The following CD46 variants were observed in gnomAD, a reference collection of about 807,000 sequenced individuals.
CD46 encodes membrane cofactor protein.
CD46 carries 30 observed loss-of-function variants against 53.3 expected under a neutral mutation model. That is an observed-to-expected ratio of 0.56 (90% CI 0.42 to 0.76). The LOEUF is 0.76. Ranked by LOEUF, CD46 falls within the 30% of genes least tolerant of loss-of-function variation. The pLI is 0.00. For missense variants in CD46, 409 were observed against 463.0 expected (o/e 0.88, Z 1.07); for synonymous variants, 142 against 152.0 (o/e 0.93, Z 0.48).
chr1:207,777,450 T>C (rs966459291), intron 8 of CD46, among the ~76,000 whole-genome samples: 4 of 152,176 alleles, frequency 2.6e-5, no homozygotes, highest in African/African-American at 4.8e-5. Flanking sequence ...TTAAGCCTAG[T>C]ACCCAATAGT....
intron 3 of CD46, 66 bp downstream of exon 3, chr1:207,757,708 T>G: frequency 9.8e-7 from 1 of 1,024,352 alleles, no homozygotes; most frequent in South Asian, 1.4e-5. Flanking sequence ...GCTTCTCTTC[T>G]TAAGCATTCC....
intron 3 of CD46, 106 bp from the exon 4 acceptor site, chr1:207,759,533 C>T (rs1655948641): frequency 4.5e-6 from 3 of 671,434 alleles, no homozygotes; most frequent in Non-Finnish European, 8.0e-6. Context: ...ACCACCCCCT[C>T]AAACTACTGT....
chr1:207,782,340 TA>T (rs1658824326), intron 8 of CD46, among the ~76,000 whole-genome samples: 1 of 152,170 alleles, frequency 6.6e-6, no homozygotes, highest in Non-Finnish European at 1.5e-5. Context: ...GTGGGATCCT[TA>T]GGGTTTTCTA....
In CD46 at chr1:207,752,351, GAGCTCTCCTC is replaced by G; in HGVS notation, c.97+45_97+54del. 6.4e-7 allele frequency: 1 copy of G among 1,570,248 alleles called. No homozygotes were observed. The highest frequency in any genetic ancestry group is 2.2e-5 in the East Asian group (1 of 44,652). ...GGTTCGCGCGTCCGCGGCGAGACTA[GAGCTCTCCTC>G]AGTCGGGCAAGAGTCGCGGGGCGGG... On this transcript the variant is annotated intron_variant, in intron 1 of 12. Coordinates refer to ENST00000367042, the MANE Select transcript of CD46 (RefSeq NM_172351.3). The surrounding 1 kb of genome is among the most constrained non-coding windows in gnomAD (Gnocchi z 4.1).
intron 7 of CD46, chr1:207,769,844 C>A (rs146882271): frequency 0.019 from 3,110 of 164,798 alleles, 111 homozygotes; most frequent in African/African-American, 0.071. Flanking sequence ...CTCACTGCAA[C>A]CTCCGCCTCC....
chr1:207,759,711 C>T lies in CD46; in HGVS notation c.462C>T (p.Pro154=). 2 of 1,601,976 alleles carry T rather than the reference C, an allele frequency of 1.2e-6. No homozygotes were observed. Among genetic ancestry groups the T allele is most frequent in the Non-Finnish European group, 8.6e-7 (1 of 1,169,496 alleles). Residue 154 remains proline (P), a synonymous_variant, in exon 4 of 13, where the codon CCC becomes CCT. Coordinates refer to ENST00000367042, the MANE Select transcript of CD46 (RefSeq NM_172351.3). ...KGSVAIWSGK[P]PICEKVLCTP... is the part of the protein sequence containing the mutation. ...CAGTAGCAATTTGGAGCGGTAAGCC[C>T]CCAATATGTGAAAGTAAGTAAATTC...
intron 5 of CD46, among the ~76,000 whole-genome samples, chr1:207,761,817 A>G (rs1173930677): frequency 1.3e-5 from 2 of 152,200 alleles, no homozygotes; most frequent in Non-Finnish European, 2.9e-5. Context: ...TGACAGACTA[A>G]TCGTCTCACA....
intron 7 of CD46, chr1:207,769,707 G>A (rs2102608543): frequency 6.6e-6 from 1 of 152,206 alleles, no homozygotes; most frequent in South Asian, 2.1e-4. Context: ...TGTAAATTAT[G>A]TAGTATCATA....
intron 11 of CD46, among the ~76,000 whole-genome samples, chr1:207,789,213 G>C (rs2102706610): frequency 6.6e-6 from 1 of 152,260 alleles, no homozygotes; most frequent in East Asian, 1.9e-4. Context: ...GTTTGGCTAA[G>C]TTAGTGAAAG....
intron 5 of CD46, among the ~76,000 whole-genome samples, chr1:207,766,506 G>C (rs1486557105): frequency 3.3e-5 from 5 of 151,994 alleles, no homozygotes; most frequent in African/African-American, 1.2e-4. Context: ...AGACAGGAGA[G>C]AGAATGGTGT....
At position 207,785,725 on chromosome 1, in the gene CD46, T is replaced by C. The variant is rs11118580; in HGVS notation, c.1082+43T>C. On this transcript the variant is annotated intron_variant, in intron 11 of 12. Coordinates refer to ENST00000367042, the MANE Select transcript of CD46 (RefSeq NM_172351.3). ...TCTTTTAACTTCTTGGTCCTTCTTA[T>C]ACTTAACATGCTTTTGTGCAGCTTC... 246,513 of 1,249,570 alleles carry C rather than the reference T, an allele frequency of 0.2. 27,140 individuals carry two copies. Among genetic ancestry groups the C allele is most frequent in the Admixed American group, 0.26 (15,631 of 59,510 alleles). The allele number at this position is 1,249,570 out of a possible 1,614,324, so 77.4% of individuals were successfully genotyped here.
intron 1 of CD46, among the ~76,000 whole-genome samples, chr1:207,753,193 T>C (rs1028325312): frequency 7.9e-5 from 12 of 152,170 alleles, no homozygotes; most frequent in African/African-American, 2.4e-4. Context: ...CTTTGAGTCA[T>C]ATTTGAGAGA....
At chr1:207,790,601 A>C (rs1659710687) in intron 12 of CD46, among the ~76,000 whole-genome samples, 1 of 152,190 alleles carries the variant, frequency 6.6e-6, no homozygotes, top group Admixed American at 6.5e-5. Context: ...AGACGATCTC[A>C]CTTCTACCTT....
At position 207,767,135 on chromosome 1, in the gene CD46, G is replaced by A. The variant is rs17006830; in HGVS notation, c.796G>A (p.Asp266Asn). 1,042 of 1,613,836 alleles carry A rather than the reference G, an allele frequency of 6.5e-4. 7 individuals carry two copies. The African/African-American group carries it at 0.012, about 18-fold the overall frequency. Residue 266 changes from aspartate (D) to asparagine (N), a missense_variant, in exon 6 of 13, where the codon GAC (aspartate) becomes AAC (asparagine). Asp to Asn is a conservative substitution (Grantham distance 23). Coordinates refer to ENST00000367042, the MANE Select transcript of CD46 (RefSeq NM_172351.3). Reference protein sequence around the residue: ...CDKGFYLDGSDTIVCDSNSTW... With the variant: ...CDKGFYLDGSNTIVCDSNSTW... Reference sequence around the variant, plus strand: ...TAAGGGTTTTTACCTCGATGGCAGCGACACAATTGTCTGTGACAGTAACAG... The same window carrying A: ...TAAGGGTTTTTACCTCGATGGCAGCAACACAATTGTCTGTGACAGTAACAG...
Position 207,767,814 on chromosome 1 carries a change from A to T in CD46, c.892A>T (p.Ser298Cys), listed in dbSNP as rs747887096. 1 of 1,610,278 alleles carries T rather than the reference A, an allele frequency of 6.2e-7. No homozygotes were observed. The highest frequency in any genetic ancestry group is 2.2e-5 in the East Asian group (1 of 44,836). Residue 298 changes from serine (S) to cysteine (C), a missense_variant, in exon 7 of 13, where the codon AGT becomes TGT. Ser to Cys is a moderately radical substitution (Grantham distance 112). Transcript: ENST00000367042. ...TTCCACTACAAAATCTCCAGCGTCC[A>T]GTGCCTCAGGTTTAGTAATTTCCTG... The part of the protein sequence containing the change: ...TSSTTKSPAS[S>C]ASGPRPTYKP...
chr1:207,770,395 A>T, intron 8 of CD46, 33 bp downstream of exon 8: 1 of 1,431,260 alleles, frequency 7.0e-7, no homozygotes, highest in Non-Finnish European at 9.8e-7. Flanking sequence ...TGATATTGTT[A>T]AGAATTTATT....
chr1:207,755,421 C>T (rs575198862), intron 1 of CD46, among the ~76,000 whole-genome samples: 7 of 152,192 alleles, frequency 4.6e-5, no homozygotes, highest in Admixed American at 3.3e-4. Flanking sequence ...GAGCAACTCA[C>T]TCTCACAAGG....
rs570034528 is a variant in CD46 at position 207,793,449 on chromosome 1, G to C, written c.*42-70G>C. 4 of 1,158,600 alleles carry C rather than the reference G, an allele frequency of 3.5e-6. No homozygotes were observed. In the African/African-American group the frequency reaches 6.1e-5, roughly 18 times the overall value. The allele number at this position is 1,158,600 out of a possible 1,614,324, so 71.8% of individuals were successfully genotyped here. ...TTTTAATTGTTCATTTTCTGAATAG[G>C]CTTCTGGAATTTAATTTCTGTACTT... On this transcript the variant is annotated intron_variant, in intron 12 of 12. Coordinates refer to ENST00000367042, the MANE Select transcript of CD46 (RefSeq NM_172351.3).
chr1:207,786,262 C>T (rs941051650), intron 11 of CD46, among the ~76,000 whole-genome samples: 1 of 152,040 alleles, frequency 6.6e-6, no homozygotes, highest in African/African-American at 2.4e-5. Context: ...TCTGAATTTA[C>T]CAGATTGCAG....
Sources: allele counts gnomAD v4.1 joint callset (sites outside exome capture counted in the v4.1 genomes callset), GRCh38; gene constraint gnomAD v4.1.1; non-coding constraint Gnocchi (gnomAD v3.1); transcripts MANE v1.5; gene names NCBI Gene and HGNC (gene_info 2026-07-23, HGNC 2026-07-21).